Variants in IKBKE observed in about 807,000 individuals in gnomAD.
The protein encoded by IKBKE is inhibitor of nuclear factor kappa B kinase subunit epsilon, also known as inhibitor of nuclear factor kappa-B kinase subunit epsilon.
IKBKE carries 45 observed loss-of-function variants against 92.1 expected under a neutral mutation model. The ratio of observed to expected loss-of-function variants is 0.49; its 90% CI spans 0.38 to 0.63. The LOEUF is 0.63. Among genes scored for constraint, IKBKE ranks in the 20% least tolerant of loss-of-function variants. The pLI is 0.00. For synonymous variants in IKBKE, 374 were observed against 380.3 expected (o/e 0.98, Z 0.19); for missense variants, 700 against 932.8 (o/e 0.75, Z 3.25).
chr1:206,489,330 T>C, intron 16 of IKBKE, among the ~76,000 whole-genome samples: 1 of 144,292 alleles, frequency 6.9e-6, no homozygotes, highest in Admixed American at 7.1e-5. Flanking sequence ...AACTAAATTT[T>C]ATATATGTGT....
intron 13 of IKBKE, among the ~76,000 whole-genome samples, chr1:206,483,521 C>T (rs916645758): frequency 3.3e-5 from 5 of 152,234 alleles, no homozygotes; most frequent in Non-Finnish European, 5.9e-5. Context: ...AAGGAGCCTG[C>T]AGTTCATTCC....
chr1:206,496,238 C>T lies in IKBKE; in HGVS notation c.*93C>T. ...AGACCAACCCAGGGCAAGATCCCAT[C>T]CCATCACATCAGCCTACCTCCCTCC... On this transcript the variant is annotated 3_prime_UTR_variant, in exon 22 of 22. Coordinates refer to ENST00000581977, the MANE Select transcript of IKBKE (RefSeq NM_014002.4). The T allele has an allele frequency of 2.0e-6, 2 of 1,023,004 alleles. No individual in the cohort carries two copies. Among genetic ancestry groups the T allele is most frequent in the Non-Finnish European group, 1.6e-6 (1 of 644,330 alleles). 63.4% of individuals were successfully genotyped at this position (1,023,004 alleles called of 1,614,324 possible).
At position 206,485,340 on chromosome 1, in the gene IKBKE, G is replaced by A. The variant is rs782298135; in HGVS notation, c.1616+34G>A. 1 of 1,264,196 alleles carries A rather than the reference G, an allele frequency of 7.9e-7. No individual in the cohort carries two copies. Among genetic ancestry groups the A allele is most frequent in the Non-Finnish European group, 1.2e-6 (1 of 861,870 alleles). 78.3% of individuals were successfully genotyped at this position (1,264,196 alleles called of 1,614,324 possible). On this transcript the variant is annotated intron_variant, in intron 15 of 21. Coordinates refer to ENST00000581977, the MANE Select transcript of IKBKE (RefSeq NM_014002.4). This position sits in a 1 kb window ranked among gnomAD's most constrained non-coding sequence, Gnocchi z 5.0. Reference sequence around the variant, plus strand: ...GATTTTCCTTCTTTGTGGGGTGGGAGTGGGGGAGTGGGCAGCTCCAAAGGT... The same window carrying A: ...GATTTTCCTTCTTTGTGGGGTGGGAATGGGGGAGTGGGCAGCTCCAAAGGT...
chr1:206,479,147 C>G lies in IKBKE; in HGVS notation c.1183+14C>G. 6.4e-7 allele frequency: 1 copy of G among 1,564,536 alleles called. No individual in the cohort carries two copies. The highest frequency in any genetic ancestry group is 2.3e-5 in the East Asian group (1 of 44,312). Reference sequence around the variant, plus strand: ...CCTTCAGGGACCGTGAGTAGAGCCACCTGGGCTGGATCTTTCTCCTCCCCA... The same window carrying G: ...CCTTCAGGGACCGTGAGTAGAGCCAGCTGGGCTGGATCTTTCTCCTCCCCA... On this transcript the variant is annotated intron_variant, in intron 10 of 21. Transcript: ENST00000581977.
chr1:206,475,104 C>A, intron 5 of IKBKE, 110 bp downstream of exon 5: 1 of 1,214,282 alleles, frequency 8.2e-7, no homozygotes. Context: ...TTTAAAATTC[C>A]AACTTAAAAA....
intron 4 of IKBKE, 101 bp from the exon 5 acceptor site, chr1:206,474,764 C>T (rs782508176): frequency 5.7e-5 from 81 of 1,432,368 alleles, no homozygotes; most frequent in Non-Finnish European, 7.1e-5. Context: ...AAGCTGGGAC[C>T]TGGAGAATGG....
chr1:206,496,548 C>A lies in IKBKE; in HGVS notation c.*403C>A, dbSNP rs1195409182. The A allele has an allele frequency of 3.7e-6, 1 of 266,842 alleles. No individual in the cohort carries two copies. The highest frequency in any genetic ancestry group is 2.1e-5 in the African/African-American group (1 of 46,720). 16.5% of individuals were successfully genotyped at this position (266,842 alleles called of 1,614,324 possible). Reference sequence around the variant, plus strand: ...GGAGAGGAGGCCTCCTGGGGTTTCCCCAGGGCAGTAGGTCAAACGACCTCA... The same window carrying A: ...GGAGAGGAGGCCTCCTGGGGTTTCCACAGGGCAGTAGGTCAAACGACCTCA... On this transcript the variant is annotated 3_prime_UTR_variant, in exon 22 of 22. Coordinates refer to ENST00000581977, the MANE Select transcript of IKBKE (RefSeq NM_014002.4).
At position 206,487,953 on chromosome 1, in the gene IKBKE, C is replaced by G. The variant is rs1558482207; in HGVS notation, c.1656C>G (p.Phe552Leu). 3.1e-6 allele frequency: 5 copies of G among 1,613,824 alleles called. No homozygotes were observed. Among genetic ancestry groups the G allele is most frequent in the Non-Finnish European group, 4.2e-6 (5 of 1,179,880 alleles). Residue 552 changes from phenylalanine to leucine, a missense_variant, in exon 16 of 22, where the codon TTC (phenylalanine) becomes TTG (leucine). Coordinates refer to ENST00000581977, the MANE Select transcript of IKBKE (RefSeq NM_014002.4). This position sits in a 1 kb window ranked among gnomAD's most constrained non-coding sequence, Gnocchi z 5.3. ...AGTGCTGTTTGGACAAGATGAACTT[C>G]ATCTACAAACAGTTCAAGAAGTCTA... ...QIQCCLDKMN[F>L]IYKQFKKSRM...
chr1:206,491,062 AAGTAAC>A, intron 17 of IKBKE: 1 of 617,870 alleles, frequency 1.6e-6, no homozygotes, highest in Non-Finnish European at 2.9e-6. Context: ...TGCAATCTTG[AAGTAAC>A]TGGATTTACT....
chr1:206,476,347 G>GA lies in IKBKE; in HGVS notation c.526dup (p.Thr176AsnfsTer2), dbSNP rs782424951. On this transcript the variant is annotated frameshift_variant, in exon 6 of 22. Coordinates refer to ENST00000581977, the MANE Select transcript of IKBKE (RefSeq NM_014002.4). LOFTEE classifies it high-confidence loss of function. This position sits in a 1 kb window ranked among gnomAD's most constrained non-coding sequence, Gnocchi z 5.1. ...ATGAGAAGTTCGTCTCGGTCTATGG[G>GA]ACTGAGGAGTACCTGGTGGGTGAGC... 2.5e-6 allele frequency: 4 copies of GA among 1,611,488 alleles called. No individual in the cohort carries two copies.
chr1:206,474,353 T>C lies in IKBKE; in HGVS notation c.110T>C (p.Val37Ala). ...CAGAAATCCGGAGAGCTGGTTGCTG[T>C]GAAGGTCTTCAACACTACCAGCTAC... ...RNKKSGELVA[V>A]KVFNTTSYLR... is the part of the protein sequence containing the mutation. Residue 37 changes from valine to alanine, a missense_variant, in exon 4 of 22, where the codon GTG becomes GCG. Physicochemically the swap from Val to Ala is moderately conservative, Grantham distance 64. Coordinates refer to ENST00000581977, the MANE Select transcript of IKBKE (RefSeq NM_014002.4). The C allele has an allele frequency of 6.2e-7, 1 of 1,613,928 alleles. No homozygotes were observed. Among genetic ancestry groups the C allele is most frequent in the South Asian group, 1.1e-5 (1 of 91,068 alleles).
At position 206,478,399 on chromosome 1, in the gene IKBKE, G is replaced by A. The variant is rs1409759003; in HGVS notation, c.992+60G>A. 4 of 1,522,130 alleles carry A rather than the reference G, an allele frequency of 2.6e-6. No individual in the cohort carries two copies. In the East Asian group the frequency reaches 9.0e-5, roughly 34 times the overall value. 94.3% of individuals were successfully genotyped at this position (1,522,130 alleles called of 1,614,324 possible). On this transcript the variant is annotated intron_variant, in intron 9 of 21. Transcript: ENST00000581977. The surrounding 1 kb of genome is among the most constrained non-coding windows in gnomAD (Gnocchi z 4.8). Reference sequence around the variant, plus strand: ...CTTCTCTACCCAAGCAGCAGTGCATGTCCAAAGCAGCATCTCCCACAGTAC... The same window carrying A: ...CTTCTCTACCCAAGCAGCAGTGCATATCCAAAGCAGCATCTCCCACAGTAC...
intron 17 of IKBKE, chr1:206,491,372 T>G: frequency 4.9e-6 from 2 of 404,954 alleles, no homozygotes; most frequent in Non-Finnish European, 9.3e-6. Context: ...TTCCCTTTCC[T>G]GAGGACTAAG....
intron 20 of IKBKE, 88 bp from the exon 21 acceptor site, chr1:206,493,832 C>A: frequency 1.1e-6 from 1 of 929,224 alleles, no homozygotes; most frequent in Non-Finnish European, 1.7e-6. Context: ...TTTGGTGGGG[C>A]TGCAGAGGAG....
chr1:206,495,118 T>G (rs1217616017), intron 21 of IKBKE, among the ~76,000 whole-genome samples: 1 of 152,032 alleles, frequency 6.6e-6, no homozygotes, highest in African/African-American at 2.4e-5. Flanking sequence ...GCCCTGTTTA[T>G]ATACATGTAC....
Position 206,493,242 on chromosome 1 carries a change from G to C in IKBKE, c.1933-24G>C, listed in dbSNP as rs200735334. 7 of 1,604,532 alleles carry C rather than the reference G, an allele frequency of 4.4e-6. No individual in the cohort carries two copies. The East Asian group carries it at 1.3e-4, about 31-fold the overall frequency. ...ACACATAAGCTGGCTACTAATTGCT[G>C]ACCAAAGTATGGCTTCCCTGCAGCT... On this transcript the variant is annotated intron_variant, in intron 19 of 21. Coordinates refer to ENST00000581977, the MANE Select transcript of IKBKE (RefSeq NM_014002.4).
chr1:206,478,491 C>A lies in IKBKE; in HGVS notation c.992+152C>A. On this transcript the variant is annotated intron_variant, in intron 9 of 21. Transcript: ENST00000581977. This position sits in a 1 kb window ranked among gnomAD's most constrained non-coding sequence, Gnocchi z 4.8. ...CGTAGTTGGGAAAAGACTAGTTCTA[C>A]AAAGTTAAAGCTAAACAGGTTTTCT... The A allele has an allele frequency of 1.2e-6, 1 of 800,504 alleles. No homozygotes were observed. Among genetic ancestry groups the A allele is most frequent in the Non-Finnish European group, 2.0e-6 (1 of 493,636 alleles). The allele number at this position is 800,504 out of a possible 1,614,324, so 49.6% of individuals were successfully genotyped here.
Position 206,496,631 on chromosome 1 carries a change from T to C in IKBKE, c.*486T>C, listed in dbSNP as rs1231027412. 1 of 234,670 alleles carries C rather than the reference T, an allele frequency of 4.3e-6. No homozygotes were observed. Among genetic ancestry groups the C allele is most frequent in the African/African-American group, 2.2e-5 (1 of 45,524 alleles). 14.5% of individuals were successfully genotyped at this position (234,670 alleles called of 1,614,324 possible). ...GTTGAACACAGCTCTCTCCGCTCCCTTGTGATTTCTGAGGGTCACCACTGC... is the reference window on the plus strand; with the variant it reads ...GTTGAACACAGCTCTCTCCGCTCCCCTGTGATTTCTGAGGGTCACCACTGC... On this transcript the variant is annotated 3_prime_UTR_variant, in exon 22 of 22. Transcript: ENST00000581977.
At position 206,491,681 on chromosome 1, in the gene IKBKE, G is replaced by C; in HGVS notation, c.1767G>C (p.Leu589=). The C allele has an allele frequency of 6.2e-7, 1 of 1,613,540 alleles. No individual in the cohort carries two copies. Residue 589 remains leucine (L), a synonymous_variant, in exon 18 of 22, where the codon CTG becomes CTC. Transcript: ENST00000581977. ...TCAGTCATTTAGCCAAAAGACTCCTGCAGGTGTTCCAGGAGGAGTGCGTGC... is the reference window on the plus strand; with the variant it reads ...TCAGTCATTTAGCCAAAAGACTCCTCCAGGTGTTCCAGGAGGAGTGCGTGC... ...VNFSHLAKRL[L]QVFQEECVQK...
Sources: gnomAD v4.1 joint callset for allele counts (sites outside exome capture counted in the v4.1 genomes callset) on GRCh38, gnomAD v4.1.1 for gene constraint, Gnocchi (gnomAD v3.1) non-coding constraint, MANE v1.5 for transcripts, NCBI Gene and HGNC (gene_info 2026-07-23, HGNC 2026-07-21) for gene names.